Variants in HAUS6 observed in about 807,000 individuals in gnomAD.
The protein encoded by HAUS6 is HAUS augmin like complex subunit 6, also known as HAUS augmin-like complex subunit 6.
Under a neutral mutation model 106.8 loss-of-function variants are expected in HAUS6, and 80 were observed. The observed-to-expected ratio is 0.75, with a 90% CI of 0.63 to 0.90. The LOEUF is 0.90. Ranked by LOEUF, HAUS6 falls within the 40% of genes least tolerant of loss-of-function variation. HAUS6 has a pLI of 0.00. For synonymous variants in HAUS6, 356 were observed against 379.1 expected (o/e 0.94, Z 0.71); for missense variants, 1,155 against 1,118.1 (o/e 1.03, Z -0.47).
chr9:19,083,899 C>G (rs1017519749), intron 7 of HAUS6, among the ~76,000 whole-genome samples: 2 of 151,036 alleles, frequency 1.3e-5, no homozygotes, highest in African/African-American at 4.9e-5. Context: ...AAAATTATGC[C>G]TCATTAAAAG....
At position 19,056,139 on chromosome 9, in the gene HAUS6, CTCATA is replaced by C. The variant is rs1459968080; in HGVS notation, c.*199_*203del. 2 of 452,994 alleles carry C rather than the reference CTCATA, an allele frequency of 4.4e-6. No homozygotes were observed. The highest frequency in any genetic ancestry group is 7.7e-6 in the Non-Finnish European group (2 of 258,442). The allele number at this position is 452,994 out of a possible 1,614,324, so 28.1% of individuals were successfully genotyped here. ...TTGTCCAAATACTTCACATTTCAATCTCATATACCTACAAAGAGGAAAAAATCCAA... is the reference window on the plus strand; with the variant it reads ...TTGTCCAAATACTTCACATTTCAATCTACCTACAAAGAGGAAAAAATCCAA... On this transcript the variant is annotated 3_prime_UTR_variant, in exon 17 of 17. Transcript: ENST00000380502.
Position 19,054,930 on chromosome 9 carries a change from T to C in HAUS6, c.*1413A>G, listed in dbSNP as rs1215982638. 2.0e-5 allele frequency: 3 copies of C among 152,128 alleles called. No homozygotes were observed. Among genetic ancestry groups the C allele is most frequent in the Non-Finnish European group, 2.9e-5 (2 of 68,022 alleles). 9.4% of individuals were successfully genotyped at this position (152,128 alleles called of 1,614,324 possible). A position where few individuals can be genotyped will look rare whatever the true frequency, so the allele number is the denominator to read the frequency against. On this transcript the variant is annotated 3_prime_UTR_variant, in exon 17 of 17. Coordinates refer to ENST00000380502, the MANE Select transcript of HAUS6 (RefSeq NM_017645.5). ...GAGTTTTCTTAAAGCAGACTAAAGG[T>C]TTCCCCATAGACCTGCATAGTCCCT...
At chr9:19,086,650 C>G (rs1444743549) in intron 7 of HAUS6, 84 bp downstream of exon 7, 6 of 609,032 alleles carry the variant, frequency 9.9e-6, no homozygotes, top group Non-Finnish European at 1.8e-5. Context: ...GGTAAATAGA[C>G]TATAAGAGTC....
chr9:19,083,818 T>A (rs10811111), intron 7 of HAUS6, among the ~76,000 whole-genome samples: 1,622 of 9,236 alleles, frequency 0.18, 16 homozygotes, highest in African/African-American at 0.34. Context: ...AAAAAAAAAA[T>A]TTTTTTTCAA....
At chr9:19,072,399 G>C (rs983706442) in intron 11 of HAUS6, among the ~76,000 whole-genome samples, 5 of 151,962 alleles carry the variant, frequency 3.3e-5, no homozygotes, top group Admixed American at 6.5e-5. Flanking sequence ...AGGAATCCCA[G>C]CTACATGGGA....
chr9:19,097,197 C>T (rs1293608175), intron 1 of HAUS6, among the ~76,000 whole-genome samples: 15 of 152,168 alleles, frequency 9.9e-5, no homozygotes, highest in Admixed American at 9.8e-4. Flanking sequence ...TGGGCAAGGA[C>T]TGCATGTCTA....
rs1836672353 is a variant in HAUS6, at chr9:19,063,295, T to C, written c.1444-102A>G. 3.9e-6 allele frequency: 3 copies of C among 771,160 alleles called. No individual in the cohort carries two copies. In the South Asian group the frequency reaches 5.8e-5, roughly 15 times the overall value. 47.8% of individuals were successfully genotyped at this position (771,160 alleles called of 1,614,324 possible). Reference sequence around the variant, plus strand: ...CTGGTTATCATGAACCTATAAAAGGTTGTTAATACTATTGTGAAATTGTAT... The same window carrying C: ...CTGGTTATCATGAACCTATAAAAGGCTGTTAATACTATTGTGAAATTGTAT... On this transcript the variant is annotated intron_variant, in intron 13 of 16. Transcript: ENST00000380502.
intron 1 of HAUS6, among the ~76,000 whole-genome samples, chr9:19,097,021 G>T (rs573328348): frequency 7.5e-4 from 114 of 152,156 alleles, no homozygotes; most frequent in African/African-American, 2.7e-3. Context: ...ACACTCTACA[G>T]AAAAGGAAGG....
chr9:19,058,066 C>T lies in HAUS6; in HGVS notation c.2701G>A (p.Gly901Ser), dbSNP rs754329035. ...HIKPSLRTSIGERKRSLSPLI... is the reference protein window; with the variant it reads ...HIKPSLRTSISERKRSLSPLI... ...GGTGAAAGAGACCGTTTTCTTTCAC[C>T]GATGGACGTGCGTAAAGATGGCTTT... is the stretch of plus-strand genomic sequence containing the variant. Residue 901 changes from glycine (G) to serine (S), a missense_variant, in exon 16 of 17, where the codon GGT becomes AGT. This residue lies in a region of HAUS6 where 380 missense variants were observed against 394.8 expected (regional missense o/e 0.96). Transcript: ENST00000380502. The T allele has an allele frequency of 2.8e-5, 45 of 1,613,622 alleles. No individual in the cohort carries two copies. Among genetic ancestry groups the T allele is most frequent in the Non-Finnish European group, 3.5e-5 (41 of 1,179,732 alleles).
At chr9:19,073,669 T>G (rs1274743169) in intron 11 of HAUS6, among the ~76,000 whole-genome samples, 6 of 150,012 alleles carry the variant, frequency 4.0e-5, no homozygotes, top group Admixed American at 4.0e-4. Flanking sequence ...GAGAAATAAT[T>G]CAAAAATAAA....
At chr9:19,057,897 G>C (rs781138678) in intron 16 of HAUS6, 64 bp downstream of exon 16, 1 of 917,706 alleles carries the variant, frequency 1.1e-6, no homozygotes, top group Non-Finnish European at 1.7e-6. Context: ...TTGTGTACTG[G>C]TTTTATCAAA....
Position 19,058,267 on chromosome 9 carries a change from G to C in HAUS6, c.2500C>G (p.Arg834Gly). 2 of 1,613,770 alleles carry C rather than the reference G, an allele frequency of 1.2e-6. No homozygotes were observed. Among genetic ancestry groups the C allele is most frequent in the Non-Finnish European group, 1.7e-6 (2 of 1,179,746 alleles). The change falls in exon 16 of 17, where the codon CGC (arginine) becomes GGC (glycine). Residue 834 changes from arginine (R) to glycine (G), a missense_variant. Arg to Gly is a moderately radical substitution (Grantham distance 125). This residue lies in a region of HAUS6 where 380 missense variants were observed against 394.8 expected (regional missense o/e 0.96). Transcript: ENST00000380502. ...PESDFNLQAL[R>G]SRYEALKKSL... ...TTCTTCAGAGCCTCGTATCTACTGC[G>C]AAGAGCCTGTAAATTAAAGTCTGAT...
chr9:19,099,148 G>T (rs926081291), intron 1 of HAUS6, among the ~76,000 whole-genome samples: 28 of 150,096 alleles, frequency 1.9e-4, no homozygotes, highest in African/African-American at 5.4e-4. Context: ...AAATAATGGG[G>T]TTTTTTTTGT....
rs1817821762 is a variant in HAUS6 at position 19,094,546 on chromosome 9, C to A, written c.225-151G>T. 13 of 593,358 alleles carry A rather than the reference C, an allele frequency of 2.2e-5. No individual in the cohort carries two copies. In the South Asian group the frequency reaches 2.8e-4, roughly 13 times the overall value. The allele number at this position is 593,358 out of a possible 1,614,324, so 36.8% of individuals were successfully genotyped here. On this transcript the variant is annotated intron_variant, in intron 2 of 16. Transcript: ENST00000380502. Reference sequence around the variant, plus strand: ...GTGGCTCACACTTTTAATCCCAGCACTTTGGAAAGCCAATGCAGACAGATC... The same window carrying A: ...GTGGCTCACACTTTTAATCCCAGCAATTTGGAAAGCCAATGCAGACAGATC...
In HAUS6 at chr9:19,086,724, G is replaced by T; in HGVS notation, c.699+10C>A. The T allele has an allele frequency of 8.4e-7, 1 of 1,192,596 alleles. No individual in the cohort carries two copies. Among genetic ancestry groups the T allele is most frequent in the Non-Finnish European group, 1.2e-6 (1 of 810,608 alleles). The allele number at this position is 1,192,596 out of a possible 1,614,324, so 73.9% of individuals were successfully genotyped here. A position where few individuals can be genotyped will look rare whatever the true frequency, so the allele number is the denominator to read the frequency against. On this transcript the variant is annotated intron_variant, in intron 7 of 16. Transcript: ENST00000380502. ...AAAGATTAAATTTCTCCTTTTATAA[G>T]TTGTCTCACCTTTTGAATTTTTTCT...
chr9:19,090,149 A>C (rs1033086506), intron 4 of HAUS6, among the ~76,000 whole-genome samples: 12 of 152,056 alleles, frequency 7.9e-5, no homozygotes, highest in Non-Finnish European at 1.5e-4. Flanking sequence ...AACTAATGTT[A>C]ATGAAAGTAA....
At chr9:19,056,638 T>C (rs1476638641) in intron 16 of HAUS6, 6 of 392,884 alleles carry the variant, frequency 1.5e-5, no homozygotes. Context: ...TCTTGCTCTG[T>C]CACCCAGGCT....
chr9:19,056,528 G>A (rs1460774525), intron 16 of HAUS6, 124 bp from the exon 17 acceptor site: 4 of 613,208 alleles, frequency 6.5e-6, no homozygotes, highest in Non-Finnish European at 1.2e-5. Flanking sequence ...ACTTGATTAT[G>A]ATAAAATTAT....
chr9:19,065,500 T>G (rs1220906645), intron 12 of HAUS6, among the ~76,000 whole-genome samples: 1 of 129,694 alleles, frequency 7.7e-6, no homozygotes. Flanking sequence ...TATTTAAACA[T>G]ACAGACAGCC....
Sources: gnomAD v4.1 joint callset for allele counts (sites outside exome capture counted in the v4.1 genomes callset) on GRCh38, gnomAD v4.1.1 for gene constraint, gnomAD v4.1.1 regional missense constraint, MANE v1.5 for transcripts, NCBI Gene and HGNC (gene_info 2026-07-23, HGNC 2026-07-21) for gene names.